HPSE2: variants seen among roughly 807,000 people sequenced by gnomAD.
HPSE2 encodes inactive heparanase-2.
Under a neutral mutation model 60.5 loss-of-function variants are expected in HPSE2, and 38 were observed. The ratio of observed to expected loss-of-function variants is 0.63; its 90% CI spans 0.48 to 0.82. HPSE2 has a LOEUF of 0.82. Ranked by LOEUF, HPSE2 falls within the 40% of genes least tolerant of loss-of-function variation. The probability of loss-of-function intolerance (pLI) is 0.00; values close to 1 mark genes in which losing one functional copy is unlikely to be tolerated. For missense variants in HPSE2, 713 were observed against 740.4 expected (o/e 0.96, Z 0.43); for synonymous variants, 295 against 293.2 (o/e 1.01, Z -0.06).
intron 3 of HPSE2, among the ~76,000 whole-genome samples, chr10:98,896,111 AC>A (rs908384183): frequency 9.2e-5 from 14 of 151,830 alleles, no homozygotes; most frequent in African/African-American, 2.9e-4. Context: ...GAAAAAAAAA[AC>A]CTCATCTATA....
intron 9 of HPSE2, among the ~76,000 whole-genome samples, chr10:98,594,137 T>A (rs371157255): frequency 2.3e-4 from 35 of 152,318 alleles, no homozygotes; most frequent in African/African-American, 7.0e-4. Context: ...TTAGCTCACA[T>A]ACTTTTCATT....
chr10:98,902,234 T>G (rs1372886294), intron 3 of HPSE2, among the ~76,000 whole-genome samples: 3 of 152,114 alleles, frequency 2.0e-5, no homozygotes, highest in Non-Finnish European at 4.4e-5. Context: ...TTTTGCAAAC[T>G]AGGAGGTATA....
intron 9 of HPSE2, among the ~76,000 whole-genome samples, chr10:98,604,271 A>G (rs1463417776): frequency 1.3e-5 from 2 of 151,760 alleles, no homozygotes; most frequent in Non-Finnish European, 2.9e-5. Context: ...CAGATGAGCA[A>G]TGCAAGCAGA....
chr10:98,863,738 A>G (rs1214159550), intron 3 of HPSE2, among the ~76,000 whole-genome samples: 1 of 152,226 alleles, frequency 6.6e-6, no homozygotes. Context: ...CAAACCTTAT[A>G]TGAAGTATAA....
intron 3 of HPSE2, among the ~76,000 whole-genome samples, chr10:98,951,136 T>C (rs1458174021): frequency 1.3e-5 from 2 of 152,182 alleles, no homozygotes; most frequent in African/African-American, 4.8e-5. Context: ...GCCATTTTAA[T>C]AGCATGAGGA....
intron 3 of HPSE2, among the ~76,000 whole-genome samples, chr10:99,078,384 T>C (rs1843017374): frequency 6.6e-6 from 1 of 152,176 alleles, no homozygotes; most frequent in Non-Finnish European, 1.5e-5. Context: ...TGGGATGGTA[T>C]TTGCATATAA....
At chr10:98,802,719 A>G (rs1295878390) in intron 3 of HPSE2, among the ~76,000 whole-genome samples, 2 of 149,070 alleles carry the variant, frequency 1.3e-5, no homozygotes, top group Non-Finnish European at 3.0e-5. Context: ...CCAGTCTATC[A>G]TTGTTGGACA....
chr10:98,736,102 C>T (rs1265185509), intron 4 of HPSE2, among the ~76,000 whole-genome samples: 1 of 151,974 alleles, frequency 6.6e-6, no homozygotes, highest in Non-Finnish European at 1.5e-5. Flanking sequence ...TGGGAGGGAC[C>T]CAGTGGGAGA....
chr10:99,007,935 A>G (rs934317416), intron 3 of HPSE2, among the ~76,000 whole-genome samples: 1 of 152,120 alleles, frequency 6.6e-6, no homozygotes, highest in Admixed American at 6.5e-5. Context: ...TGATGCTGCC[A>G]CCCTCTCCCC....
rs1947875922 is a variant in HPSE2 at position 98,684,965 on chromosome 10, A to G, written c.1004+8935T>C. On this transcript the variant is annotated intron_variant, in intron 6 of 11. Coordinates refer to ENST00000370552, the MANE Select transcript of HPSE2 (RefSeq NM_021828.5). Reference sequence around the variant, plus strand: ...AAAGCAATATATTATTTCATAATAGATAAGTATATTTGTTTAGGTGTAATA... The same window carrying G: ...AAAGCAATATATTATTTCATAATAGGTAAGTATATTTGTTTAGGTGTAATA... Among the ~76,000 whole-genome samples the G allele has an allele frequency of 5.9e-5, 9 of 152,258 alleles. No individual in the cohort carries two copies. In the South Asian group the frequency reaches 1.9e-3, roughly 32 times the overall value.
chr10:98,759,802 T>C (rs992337109), intron 3 of HPSE2, among the ~76,000 whole-genome samples: 1 of 152,162 alleles, frequency 6.6e-6, no homozygotes, highest in Non-Finnish European at 1.5e-5. Context: ...ATGTGAATTT[T>C]AGAATTGTTT....
At chr10:99,052,978 GAA>G (rs1958023598) in intron 3 of HPSE2, among the ~76,000 whole-genome samples, 2 of 151,174 alleles carry the variant, frequency 1.3e-5, no homozygotes, top group South Asian at 4.2e-4. Context: ...AAGGGGACTG[GAA>G]ATGATAAATA....
chr10:98,765,742 C>T (rs773877449), intron 3 of HPSE2, among the ~76,000 whole-genome samples: 9 of 152,048 alleles, frequency 5.9e-5, no homozygotes, highest in Non-Finnish European at 1.2e-4. Flanking sequence ...ACTCAGGAGG[C>T]TGAGGCAGGA....
intron 3 of HPSE2, among the ~76,000 whole-genome samples, chr10:98,965,993 C>T (rs1379183714): frequency 2.6e-5 from 4 of 152,042 alleles, no homozygotes; most frequent in East Asian, 1.9e-4. Flanking sequence ...TGGGCTTAAG[C>T]GATTCTCCTG....
chr10:98,477,623 T>G (rs748035456), intron 11 of HPSE2, among the ~76,000 whole-genome samples: 2 of 152,270 alleles, frequency 1.3e-5, no homozygotes, highest in South Asian at 4.1e-4. Flanking sequence ...GGTTTGCTTT[T>G]TCTCTGGAAA....
intron 6 of HPSE2, among the ~76,000 whole-genome samples, chr10:98,650,105 G>A (rs1448460988): frequency 6.6e-6 from 1 of 152,214 alleles, no homozygotes; most frequent in Admixed American, 6.5e-5. Context: ...CAGAAATAAT[G>A]TGACACTTCA....
chr10:98,630,477 G>A (rs1279272462), intron 7 of HPSE2, among the ~76,000 whole-genome samples: 2 of 152,038 alleles, frequency 1.3e-5, no homozygotes, highest in African/African-American at 4.8e-5. Context: ...GATTACAGGC[G>A]TGAGCCACCA....
At chr10:98,932,425 G>A (rs1589384603) in intron 3 of HPSE2, among the ~76,000 whole-genome samples, 1 of 143,932 alleles carries the variant, frequency 6.9e-6, no homozygotes, top group East Asian at 2.0e-4. Flanking sequence ...TTGGCCTAAA[G>A]TTTTCTTTTT....
intron 9 of HPSE2, among the ~76,000 whole-genome samples, chr10:98,587,452 A>T (rs1944969324): frequency 6.6e-6 from 1 of 152,264 alleles, no homozygotes; most frequent in South Asian, 2.1e-4. Flanking sequence ...CATGCTGAAA[A>T]GAGCAACTGA....
Sources: allele counts gnomAD v4.1 joint callset (sites outside exome capture counted in the v4.1 genomes callset), GRCh38; gene constraint gnomAD v4.1.1; transcripts MANE v1.5; gene names NCBI Gene and HGNC (gene_info 2026-07-23, HGNC 2026-07-21).